ABCG2: variants seen among roughly 807,000 people sequenced by gnomAD.
The protein encoded by ABCG2 is broad substrate specificity ATP-binding cassette transporter ABCG2.
A neutral mutation model predicts 73.5 loss-of-function variants in ABCG2; 80 were observed. The observed-to-expected ratio is 1.09, with a 90% CI of 0.91 to 1.31. The LOEUF (loss-of-function observed/expected upper bound fraction) is 1.31. Among genes scored for constraint, ABCG2 ranks in the 50% most tolerant of loss-of-function variants. The pLI is 0.00. For missense variants in ABCG2, 796 were observed against 786.2 expected (o/e 1.01, Z -0.15); for synonymous variants, 269 against 282.4 (o/e 0.95, Z 0.48).
At chr4:88,185,257 G>C (rs377405447) in intron 1 of ABCG2, among the ~76,000 whole-genome samples, 1 of 152,132 alleles carries the variant, frequency 6.6e-6, no homozygotes, top group Non-Finnish European at 1.5e-5. Context: ...CCAGCTACTC[G>C]TGAGGCTGAG....
At chr4:88,194,602 A>G (rs1338978304) in intron 1 of ABCG2, among the ~76,000 whole-genome samples, 1 of 148,546 alleles carries the variant, frequency 6.7e-6, no homozygotes, top group Non-Finnish European at 1.5e-5. Flanking sequence ...TGCTTGAAAC[A>G]ATGAAATTGC....
chr4:88,207,392 G>A (rs1036571581), intron 1 of ABCG2, among the ~76,000 whole-genome samples: 6 of 152,208 alleles, frequency 3.9e-5, no homozygotes, highest in Admixed American at 2.6e-4. Flanking sequence ...GCATAAACAG[G>A]TCTACATCCT....
intron 10 of ABCG2, among the ~76,000 whole-genome samples, chr4:88,102,954 G>A (rs1722537158): frequency 6.6e-6 from 1 of 152,082 alleles, no homozygotes; most frequent in Non-Finnish European, 1.5e-5. Context: ...CGGTCACCCA[G>A]GCTAGAGTAT....
chr4:88,133,996 T>A (rs1436038312), intron 2 of ABCG2, among the ~76,000 whole-genome samples: 1 of 148,148 alleles, frequency 6.8e-6, no homozygotes, highest in African/African-American at 2.5e-5. Flanking sequence ...AGACTCCGTC[T>A]CAGAAAAAAA....
intron 1 of ABCG2, among the ~76,000 whole-genome samples, chr4:88,174,392 CTCTCACCTATGA>C (rs1727874082): frequency 6.6e-6 from 1 of 152,204 alleles, no homozygotes; most frequent in African/African-American, 2.4e-5. Flanking sequence ...CACTGTTCAA[CTCTCACCTATGA>C]GTGAAAACAT....
chr4:88,101,094 T>C, intron 11 of ABCG2, 136 bp downstream of exon 11: 1 of 638,130 alleles, frequency 1.6e-6, no homozygotes, highest in Admixed American at 2.9e-5. Flanking sequence ...TTTTTATTCA[T>C]CAATTTAAAA....
intron 1 of ABCG2, among the ~76,000 whole-genome samples, chr4:88,181,137 C>G (rs575751805): frequency 3.3e-5 from 5 of 152,142 alleles, no homozygotes; most frequent in Admixed American, 1.3e-4. Flanking sequence ...TGCGGTGGCT[C>G]ACGCCTGTAA....
intron 5 of ABCG2, among the ~76,000 whole-genome samples, chr4:88,129,669 A>G (rs961746002): frequency 6.6e-6 from 1 of 152,234 alleles, no homozygotes; most frequent in Admixed American, 6.5e-5. Context: ...AAGGACTGTC[A>G]GAAAGCATAA....
chr4:88,225,303 A>C (rs1266663813), intron 1 of ABCG2, among the ~76,000 whole-genome samples: 1 of 152,234 alleles, frequency 6.6e-6, no homozygotes, highest in Non-Finnish European at 1.5e-5. Context: ...CTGTGTTCCA[A>C]TAAAACTTAT....
chr4:88,111,527 T>A (rs1481013), intron 9 of ABCG2, among the ~76,000 whole-genome samples: 66 of 151,902 alleles, frequency 4.3e-4, no homozygotes, highest in Middle Eastern at 3.4e-3. Context: ...CATATATACA[T>A]ATATATACAT....
intron 1 of ABCG2, among the ~76,000 whole-genome samples, chr4:88,156,290 G>A (rs926793048): frequency 2.8e-4 from 41 of 145,128 alleles, no homozygotes; most frequent in African/African-American, 9.1e-4. Flanking sequence ...CACAAGAATC[G>A]CTTGAGCCTG....
chr4:88,164,861 T>C lies in ABCG2; in HGVS notation c.-19-24847A>G, dbSNP rs183867894. 3.3e-5 allele frequency among the ~76,000 whole-genome samples: 5 copies of C among 152,214 alleles called. No individual in the cohort carries two copies. In the East Asian group the frequency reaches 9.7e-4, roughly 29 times the overall value. ...GGCACAATCTCAGCTCGCCACAACC[T>C]CCACCTCCTGGGTTCAAGCAATTCT... On this transcript the variant is annotated intron_variant, in intron 1 of 15. Transcript: ENST00000515655.
intron 1 of ABCG2, among the ~76,000 whole-genome samples, chr4:88,151,325 C>G (rs1055296116): frequency 6.6e-6 from 1 of 152,186 alleles, no homozygotes; most frequent in African/African-American, 2.4e-5. Flanking sequence ...CAAAACCACA[C>G]AGCATTGTGC....
intron 6 of ABCG2, among the ~76,000 whole-genome samples, chr4:88,119,583 G>A (rs1246981509): frequency 6.6e-6 from 1 of 152,176 alleles, no homozygotes; most frequent in African/African-American, 2.4e-5. Flanking sequence ...TGAGGAACTT[G>A]TTGGGAACTG....
intron 1 of ABCG2, among the ~76,000 whole-genome samples, chr4:88,211,715 C>T (rs1729608985): frequency 6.6e-6 from 1 of 152,120 alleles, no homozygotes; most frequent in African/African-American, 2.4e-5. Flanking sequence ...CTGTGCCCGG[C>T]CGAGAACTCT....
intron 1 of ABCG2, among the ~76,000 whole-genome samples, chr4:88,229,405 G>A (rs1257657271): frequency 6.6e-6 from 1 of 152,158 alleles, no homozygotes; most frequent in African/African-American, 2.4e-5. Flanking sequence ...TTAGGAGGCC[G>A]AGATGGGAGG....
At chr4:88,112,303 C>A (rs1268842823) in intron 9 of ABCG2, among the ~76,000 whole-genome samples, 1 of 152,166 alleles carries the variant, frequency 6.6e-6, no homozygotes, top group Non-Finnish European at 1.5e-5. Context: ...TGACAAGGAA[C>A]AGCACTTTGC....
At chr4:88,198,294 C>T (rs1012574705) in intron 1 of ABCG2, among the ~76,000 whole-genome samples, 1 of 152,138 alleles carries the variant, frequency 6.6e-6, no homozygotes, top group Admixed American at 6.6e-5. Flanking sequence ...GATTGTGCCA[C>T]TGCACTTCAG....
At chr4:88,148,426 AC>A (rs1263899381) in intron 1 of ABCG2, among the ~76,000 whole-genome samples, 1 of 152,182 alleles carries the variant, frequency 6.6e-6, no homozygotes, top group Non-Finnish European at 1.5e-5. Context: ...GGGGGCAGTA[AC>A]AAAATGAGGC....
Sources: gnomAD v4.1 joint callset for allele counts (sites outside exome capture counted in the v4.1 genomes callset) on GRCh38, gnomAD v4.1.1 for gene constraint, MANE v1.5 for transcripts, NCBI Gene and HGNC (gene_info 2026-07-23, HGNC 2026-07-21) for gene names.